MECOM: variants seen among roughly 807,000 people sequenced by gnomAD.
MECOM encodes MDS1 and EVI1 complex locus.
A neutral mutation model predicts 116.3 loss-of-function variants in MECOM; 13 were observed. The observed-to-expected ratio is 0.11, with a 90% CI of 0.07 to 0.18. MECOM has a LOEUF of 0.18. Ranked by LOEUF, MECOM falls within the 10% of genes least tolerant of loss-of-function variation. The probability of loss-of-function intolerance (pLI) is 1.00; values close to 1 mark genes in which losing one functional copy is unlikely to be tolerated. For synonymous variants in MECOM, 528 were observed against 535.2 expected, an observed-to-expected ratio of 0.99 and a Z score of 0.19; for missense variants, 1,299 against 1,509.0, an observed-to-expected ratio of 0.86 and a Z score of 2.31.
chr3:169,155,583 G>A (rs1741839183), intron 2 of MECOM, among the ~76,000 whole-genome samples: 3 of 151,418 alleles, frequency 2.0e-5, no homozygotes. Context: ...AAAACAAAAG[G>A]TAAAGAGCAA....
intron 2 of MECOM, among the ~76,000 whole-genome samples, chr3:169,197,420 C>A (rs1443435527): frequency 2.0e-5 from 3 of 151,902 alleles, no homozygotes; most frequent in African/African-American, 7.2e-5. Context: ...CAGTATATCC[C>A]AGTCTACTTT....
intron 1 of MECOM, among the ~76,000 whole-genome samples, chr3:169,563,654 G>A (rs894488266): frequency 1.3e-5 from 2 of 152,062 alleles, no homozygotes; most frequent in Non-Finnish European, 2.9e-5. Context: ...TGCTTCATTC[G>A]AGGAACTTGA....
intron 2 of MECOM, among the ~76,000 whole-genome samples, chr3:169,194,262 A>G (rs1299561059): frequency 1.3e-5 from 2 of 152,022 alleles, no homozygotes; most frequent in African/African-American, 4.8e-5. Flanking sequence ...GGAATTGAAC[A>G]ATGAAAACAC....
At chr3:169,089,383 T>C (rs982647741) in intron 15 of MECOM, among the ~76,000 whole-genome samples, 200 bp from the exon 16 acceptor site, 3 of 152,148 alleles carry the variant, frequency 2.0e-5, no homozygotes. Context: ...AGATTTTTAG[T>C]AACTAAAGCC....
chr3:169,348,928 G>A (rs926891609), intron 2 of MECOM, among the ~76,000 whole-genome samples: 14 of 151,830 alleles, frequency 9.2e-5, no homozygotes, highest in African/African-American at 3.4e-4. Context: ...ATATTGAGTT[G>A]TTTTACTGCC....
chr3:169,225,611 T>G (rs966227214), intron 2 of MECOM, among the ~76,000 whole-genome samples: 1 of 152,162 alleles, frequency 6.6e-6, no homozygotes, highest in African/African-American at 2.4e-5. Flanking sequence ...AGACCCTTAT[T>G]TGTTTGCTTG....
At chr3:169,376,459 G>C (rs1025501285) in intron 2 of MECOM, among the ~76,000 whole-genome samples, 7 of 151,896 alleles carry the variant, frequency 4.6e-5, no homozygotes, top group African/African-American at 1.7e-4. Context: ...ACTCCTTAAG[G>C]TGAAAAGCAA....
intron 2 of MECOM, among the ~76,000 whole-genome samples, chr3:169,188,407 G>A: frequency 6.6e-6 from 1 of 151,918 alleles, no homozygotes; most frequent in African/African-American, 2.4e-5. Flanking sequence ...AGATGGAGAG[G>A]ACCAGAAGAA....
intron 1 of MECOM, among the ~76,000 whole-genome samples, chr3:169,608,831 G>A (rs1768903738): frequency 6.6e-6 from 1 of 152,212 alleles, no homozygotes; most frequent in South Asian, 2.1e-4. Context: ...TTTAGCCAGA[G>A]TTGTTGCACA....
intron 2 of MECOM, among the ~76,000 whole-genome samples, chr3:169,265,162 G>T (rs1243021066): frequency 6.6e-6 from 1 of 152,110 alleles, no homozygotes; most frequent in Non-Finnish European, 1.5e-5. Context: ...GCATTGTTGA[G>T]TTATTCATTC....
At chr3:169,415,409 G>A (rs1031949393) in intron 1 of MECOM, among the ~76,000 whole-genome samples, 1 of 152,088 alleles carries the variant, frequency 6.6e-6, no homozygotes, top group African/African-American at 2.4e-5. Flanking sequence ...GAAAAAACTG[G>A]TACCAGCCAC....
intron 2 of MECOM, among the ~76,000 whole-genome samples, chr3:169,234,283 C>T (rs1753762348): frequency 6.6e-6 from 1 of 151,658 alleles, no homozygotes; most frequent in African/African-American, 2.4e-5. Flanking sequence ...GGTCAGTTGG[C>T]CCCTTTCTCT....
chr3:169,522,043 A>G (rs1757411137), intron 1 of MECOM, among the ~76,000 whole-genome samples: 1 of 152,164 alleles, frequency 6.6e-6, no homozygotes, highest in South Asian at 2.1e-4. Flanking sequence ...GCATCTGCAG[A>G]TTTTGGTATC....
intron 2 of MECOM, among the ~76,000 whole-genome samples, chr3:169,303,053 T>A (rs1717042884): frequency 6.6e-6 from 1 of 152,212 alleles, no homozygotes; most frequent in Non-Finnish European, 1.5e-5. Context: ...TTACATTATT[T>A]CTTTCTAAGA....
At chr3:169,124,104 G>A (rs1731992571) in intron 5 of MECOM, among the ~76,000 whole-genome samples, 2 of 152,052 alleles carry the variant, frequency 1.3e-5, no homozygotes, top group Admixed American at 1.3e-4. Context: ...AGCTCCTAAA[G>A]AATTAATGAA....
chr3:169,588,436 G>A (rs1178327464), intron 1 of MECOM, among the ~76,000 whole-genome samples: 3 of 152,150 alleles, frequency 2.0e-5, no homozygotes, highest in African/African-American at 7.2e-5. Flanking sequence ...CCCATTAAAA[G>A]TTCTGTCATC....
chr3:169,446,527 C>T (rs745394518), intron 1 of MECOM, among the ~76,000 whole-genome samples: 80 of 152,196 alleles, frequency 5.3e-4, no homozygotes, highest in Non-Finnish European at 1.1e-3. Context: ...TACAGACACT[C>T]TCCACGCTAC....
intron 1 of MECOM, among the ~76,000 whole-genome samples, chr3:169,507,791 A>G (rs1255489935): frequency 2.8e-5 from 4 of 143,386 alleles, no homozygotes; most frequent in Non-Finnish European, 6.0e-5. Context: ...CCTCCCGAGT[A>G]GCTGGGACCA....
At chr3:169,512,297 C>T (rs1273618838) in intron 1 of MECOM, among the ~76,000 whole-genome samples, 3 of 152,200 alleles carry the variant, frequency 2.0e-5, no homozygotes, top group African/African-American at 7.2e-5. Context: ...TACTTACTAA[C>T]GCTCCCAAGA....
Sources: allele counts gnomAD v4.1 joint callset (sites outside exome capture counted in the v4.1 genomes callset), GRCh38; gene constraint gnomAD v4.1.1; transcripts MANE v1.5; gene names NCBI Gene and HGNC (gene_info 2026-07-23, HGNC 2026-07-21).